The following TAFA1 variants were observed in gnomAD, a reference collection of about 807,000 sequenced individuals.
TAFA1 encodes the protein TAFA chemokine like family member 1.
TAFA1 carries 4 observed loss-of-function variants against 18.5 expected under a neutral mutation model. That is an observed-to-expected ratio of 0.22 (90% CI 0.11 to 0.49). The LOEUF is 0.49. Ranked by LOEUF, TAFA1 falls within the 20% of genes least tolerant of loss-of-function variation. The probability of loss-of-function intolerance (pLI) is 0.98; values close to 1 mark genes in which losing one functional copy is unlikely to be tolerated. For synonymous variants in TAFA1, 56 were observed against 55.2 expected, an observed-to-expected ratio of 1.01 and a Z score of -0.06; for missense variants, 147 against 169.0, an observed-to-expected ratio of 0.87 and a Z score of 0.72.
chr3:67,993,704 A>G, the TAFA1 span, among the ~76,000 whole-genome samples: 1 of 152,224 alleles, frequency 6.6e-6, no homozygotes, highest in Non-Finnish European at 1.5e-5. Context: ...TCAGTTTAGT[A>G]TACCAGTACA....
At chr3:68,286,148 C>CT (rs1359044023) in intron 2 of TAFA1, among the ~76,000 whole-genome samples, 212 of 152,092 alleles carry the variant, frequency 1.4e-3, no homozygotes, top group African/African-American at 4.9e-3. Context: ...GAGGCGGATG[C>CT]TGCAGTGGGC....
intron 3 of TAFA1, among the ~76,000 whole-genome samples, chr3:68,498,920 G>C (rs2072604779): frequency 6.6e-6 from 1 of 151,928 alleles, no homozygotes; most frequent in Admixed American, 6.6e-5. Context: ...CTGGGAAATG[G>C]AGCTTTGAAA....
At chr3:68,354,186 T>G (rs551783828) in intron 2 of TAFA1, among the ~76,000 whole-genome samples, 2 of 152,102 alleles carry the variant, frequency 1.3e-5, no homozygotes, top group South Asian at 4.1e-4. Flanking sequence ...AGATTTAATG[T>G]AGGATACCAC....
chr3:68,407,015 T>A (rs1316666231), intron 2 of TAFA1, among the ~76,000 whole-genome samples: 1 of 152,134 alleles, frequency 6.6e-6, no homozygotes, highest in East Asian at 1.9e-4. Context: ...GGGTGTTGAG[T>A]TGATTATGGT....
rs1389847733 is a variant in TAFA1 at position 68,056,468 on chromosome 3, GTAATTAC to G, written c.118+49726_118+49732del. Among the ~76,000 whole-genome samples, 22 of 152,316 alleles carry G rather than the reference GTAATTAC, an allele frequency of 1.4e-4. No individual in the cohort carries two copies. In the South Asian group the frequency reaches 3.9e-3, roughly 27 times the overall value. ...GGGTGGTCACCCAAGTTTCAACTGT[GTAATTAC>G]TCCAGAATTAGATCCTGAGGTAGAT... On this transcript the variant is annotated intron_variant, in intron 2 of 4. Transcript: ENST00000478136.
intron 2 of TAFA1, among the ~76,000 whole-genome samples, chr3:68,088,437 C>T (rs2064996430): frequency 6.6e-6 from 1 of 152,226 alleles, no homozygotes; most frequent in South Asian, 2.1e-4. Flanking sequence ...CAGGGATTTT[C>T]AATATGAAAC....
intron 2 of TAFA1, among the ~76,000 whole-genome samples, chr3:68,009,210 G>A (rs535806013): frequency 6.6e-5 from 10 of 152,172 alleles, no homozygotes; most frequent in Middle Eastern, 3.4e-3. Flanking sequence ...TACTCTGTGC[G>A]TATAATCATG....
chr3:68,195,899 G>A (rs765901881), intron 2 of TAFA1, among the ~76,000 whole-genome samples: 1 of 151,572 alleles, frequency 6.6e-6, no homozygotes, highest in Non-Finnish European at 1.5e-5. Context: ...TTGATAAAAT[G>A]TTTACGGCTG....
At chr3:68,522,541 T>C (rs1311866047) in intron 3 of TAFA1, among the ~76,000 whole-genome samples, 1 of 152,204 alleles carries the variant, frequency 6.6e-6, no homozygotes, top group East Asian at 1.9e-4. Flanking sequence ...AGTCAGGCTC[T>C]GAGTACATAC....
intron 2 of TAFA1, among the ~76,000 whole-genome samples, chr3:68,388,594 T>G (rs967205426): frequency 1.3e-5 from 2 of 152,162 alleles, no homozygotes; most frequent in South Asian, 4.1e-4. Context: ...TCCTTTTTAT[T>G]TGCTTTTCCC....
chr3:68,435,727 A>T (rs2071256774), intron 3 of TAFA1, among the ~76,000 whole-genome samples: 1 of 152,196 alleles, frequency 6.6e-6, no homozygotes, highest in Non-Finnish European at 1.5e-5. Flanking sequence ...TAGCCACATG[A>T]CTGTGAATGC....
chr3:68,121,568 A>G (rs150885549), intron 2 of TAFA1, among the ~76,000 whole-genome samples: 48 of 152,328 alleles, frequency 3.2e-4, no homozygotes, highest in African/African-American at 1.1e-3. Flanking sequence ...TTTGGAGTGC[A>G]AATGAACCAG....
chr3:68,026,342 C>A (rs1369434232), intron 2 of TAFA1, among the ~76,000 whole-genome samples: 1 of 150,570 alleles, frequency 6.6e-6, no homozygotes, highest in Non-Finnish European at 1.5e-5. Flanking sequence ...GGAGAAATTC[C>A]ATCCCCACCG....
intron 3 of TAFA1, among the ~76,000 whole-genome samples, chr3:68,428,442 T>A (rs1346030120): frequency 6.6e-6 from 1 of 151,904 alleles, no homozygotes; most frequent in Non-Finnish European, 1.5e-5. Context: ...CAGGCATCCT[T>A]CGACCTCCTT....
intron 2 of TAFA1, among the ~76,000 whole-genome samples, chr3:68,174,509 C>T (rs2066099224): frequency 6.6e-6 from 1 of 152,126 alleles, no homozygotes; most frequent in Non-Finnish European, 1.5e-5. Context: ...TTGTTGGGAA[C>T]TGGAGCAAAG....
rs561045533 is a variant in TAFA1, at chr3:68,274,609, T to G, written c.119-142671T>G. On this transcript the variant is annotated intron_variant, in intron 2 of 4. Transcript: ENST00000478136. ...TGCTGTGGGAAGCAATATTTTCCACTGGGAGGACTTTGGAGCCTAGATAGT... is the reference window on the plus strand; with the variant it reads ...TGCTGTGGGAAGCAATATTTTCCACGGGGAGGACTTTGGAGCCTAGATAGT... Among the ~76,000 whole-genome samples the G allele has an allele frequency of 3.9e-5, 6 of 152,318 alleles. No individual in the cohort carries two copies. The South Asian group carries it at 1.0e-3, about 26-fold the overall frequency.
At chr3:68,362,149 A>G (rs2069479338) in intron 2 of TAFA1, among the ~76,000 whole-genome samples, 1 of 152,092 alleles carries the variant, frequency 6.6e-6, no homozygotes, top group South Asian at 2.1e-4. Flanking sequence ...TGAATTTATA[A>G]CATACCTATT....
chr3:68,381,341 AT>A (rs2069949611), intron 2 of TAFA1, among the ~76,000 whole-genome samples: 2 of 151,030 alleles, frequency 1.3e-5, no homozygotes, highest in Non-Finnish European at 3.0e-5. Flanking sequence ...ATGGCATTGA[AT>A]CTATAAATTA....
intron 2 of TAFA1, among the ~76,000 whole-genome samples, chr3:68,154,484 G>C (rs1415585005): frequency 1.3e-5 from 2 of 152,258 alleles, no homozygotes; most frequent in East Asian, 3.9e-4. Context: ...AAAATCTAGG[G>C]AACTTAGTTG....
Sources: allele counts gnomAD v4.1 joint callset (sites outside exome capture counted in the v4.1 genomes callset), GRCh38; gene constraint gnomAD v4.1.1; transcripts MANE v1.5; gene names NCBI Gene and HGNC (gene_info 2026-07-23, HGNC 2026-07-21).